The following TRAF3IP2 variants were observed in gnomAD, a reference collection of about 807,000 sequenced individuals.
The protein encoded by TRAF3IP2 is E3 ubiquitin ligase TRAF3IP2.
TRAF3IP2 carries 35 observed loss-of-function variants against 57.9 expected under a neutral mutation model. The observed-to-expected ratio is 0.60, with a 90% CI of 0.46 to 0.80. TRAF3IP2 has a LOEUF of 0.80. Ranked by LOEUF, TRAF3IP2 falls within the 30% of genes least tolerant of loss-of-function variation. The probability of loss-of-function intolerance (pLI) is 0.00; values close to 1 mark genes in which losing one functional copy is unlikely to be tolerated. For missense variants in TRAF3IP2, 556 were observed against 706.4 expected, an observed-to-expected ratio of 0.79 and a Z score of 2.41; for synonymous variants, 251 against 268.9, an observed-to-expected ratio of 0.93 and a Z score of 0.65.
intron 5 of TRAF3IP2, 40 bp from the exon 6 acceptor site, chr6:111,567,732 G>A: frequency 3.9e-6 from 6 of 1,537,164 alleles, no homozygotes; most frequent in Non-Finnish European, 5.3e-6. Context: ...CTTAATGAGA[G>A]GTTCTCTCAA....
intron 7 of TRAF3IP2, among the ~76,000 whole-genome samples, chr6:111,565,645 GAGA>G (rs749670158): frequency 5.1e-4 from 78 of 152,282 alleles, no homozygotes; most frequent in Non-Finnish European, 7.9e-4. Flanking sequence ...TAATCACGGG[GAGA>G]AGGAGGATTC....
intron 2 of TRAF3IP2, among the ~76,000 whole-genome samples, chr6:111,583,554 C>T (rs1305771806): frequency 6.6e-6 from 1 of 152,202 alleles, no homozygotes; most frequent in South Asian, 2.1e-4. Context: ...AGGCTGCACG[C>T]TCCTTATGAG....
chr6:111,584,138 T>C (rs1796257729), intron 2 of TRAF3IP2, among the ~76,000 whole-genome samples: 2 of 152,228 alleles, frequency 1.3e-5, no homozygotes, highest in Admixed American at 1.3e-4. Flanking sequence ...GTGCTGTTAA[T>C]CAAAAGCCTT....
At chr6:111,561,860 A>G (rs761285558) in intron 8 of TRAF3IP2, among the ~76,000 whole-genome samples, 7 of 152,230 alleles carry the variant, frequency 4.6e-5, no homozygotes, top group Non-Finnish European at 8.8e-5. Context: ...AGATGAGACC[A>G]GTAAGGAGAC....
At chr6:111,594,194 G>A (rs958790664) in intron 1 of TRAF3IP2, among the ~76,000 whole-genome samples, 2 of 150,286 alleles carry the variant, frequency 1.3e-5, no homozygotes, top group African/African-American at 4.9e-5. Context: ...CCACAGTTAT[G>A]AAATTGGATG....
At position 111,555,520 on chromosome 6, in the gene TRAF3IP2, T is replaced by TAGA. The variant is rs2128366292; in HGVS notation, c.*3882_*3884dup. On this transcript the variant is annotated 3_prime_UTR_variant, in exon 9 of 9. Coordinates refer to ENST00000368761, the MANE Select transcript of TRAF3IP2 (RefSeq NM_147686.4). ...TGTACTGAGACCTCTTTGAACAATC[T>TAGA]AGAAGTTAAAATAGATTTGAAACCA... Among the ~76,000 whole-genome samples, 1 of 152,324 alleles carries TAGA rather than the reference T, an allele frequency of 6.6e-6. No homozygotes were observed. Among genetic ancestry groups the TAGA allele is most frequent in the African/African-American group, 2.4e-5 (1 of 41,570 alleles).
chr6:111,559,859 G>A (rs928582338), intron 8 of TRAF3IP2, among the ~76,000 whole-genome samples: 8 of 152,368 alleles, frequency 5.3e-5, no homozygotes, highest in African/African-American at 1.7e-4. Flanking sequence ...GTAGGACAGA[G>A]GTCACACAGA....
At chr6:111,565,268 T>A (rs887825946) in intron 7 of TRAF3IP2, 32 of 152,138 alleles carry the variant, frequency 2.1e-4, no homozygotes, top group African/African-American at 6.8e-4. Context: ...GGGACCTACA[T>A]CTGCTTCCCC....
rs1795210045 is a variant in TRAF3IP2, at chr6:111,555,510, T to C, written c.*3895A>G. Among the ~76,000 whole-genome samples, 3 of 152,188 alleles carry C rather than the reference T, an allele frequency of 2.0e-5. No homozygotes were observed. The highest frequency in any genetic ancestry group is 2.1e-4 in the South Asian group (1 of 4,828). The stretch of plus-strand genomic sequence containing the variant: ...ATTGTAGCCATGTACTGAGACCTCT[T>C]TGAACAATCTAGAAGTTAAAATAGA... On this transcript the variant is annotated 3_prime_UTR_variant, in exon 9 of 9. Transcript: ENST00000368761.
In TRAF3IP2 at chr6:111,591,647, G is replaced by A. The variant is rs141508826; in HGVS notation, c.440C>T (p.Ala147Val). 61 of 1,614,238 alleles carry A rather than the reference G, an allele frequency of 3.8e-5. No homozygotes were observed. The East Asian group carries it at 8.9e-4, about 24-fold the overall frequency. The change falls in exon 2 of 9, where the codon GCG becomes GTG. Residue 147 changes from alanine (A) to valine (V), a missense_variant. Ala to Val is a moderately conservative substitution (Grantham distance 64). This residue lies in a region of TRAF3IP2 where 428 missense variants were observed against 498.7 expected (regional missense o/e 0.86). Transcript: ENST00000368761. This position sits in a 1 kb window ranked among gnomAD's most constrained non-coding sequence, Gnocchi z 4.9. Reference sequence around the variant, plus strand: ...GTCATGGCCAGTGTCAGGAGAAGCCGCTGAAAGCTGAGATACCAGCCATTG... The same window carrying A: ...GTCATGGCCAGTGTCAGGAGAAGCCACTGAAAGCTGAGATACCAGCCATTG... ...RNQWLVSQLS[A>V]ASPDTGHDSD...
chr6:111,588,529 A>G (rs967989715), intron 2 of TRAF3IP2, among the ~76,000 whole-genome samples: 3 of 152,198 alleles, frequency 2.0e-5, no homozygotes, highest in African/African-American at 7.2e-5. Context: ...TTTCCGTGGG[A>G]AGTATTTTCC....
intron 7 of TRAF3IP2, among the ~76,000 whole-genome samples, chr6:111,564,013 C>T (rs759488622): frequency 1.3e-5 from 2 of 152,178 alleles, no homozygotes; most frequent in Admixed American, 6.5e-5. Context: ...TGTTTCCAAC[C>T]ATTTCATCTT....
At chr6:111,574,993 G>C (rs994889080) in intron 4 of TRAF3IP2, among the ~76,000 whole-genome samples, 1 of 151,976 alleles carries the variant, frequency 6.6e-6, no homozygotes, top group South Asian at 2.1e-4. Context: ...AGGCCAAGGC[G>C]GGTGGATCAC....
At chr6:111,563,069 T>G in intron 7 of TRAF3IP2, 30 bp from the exon 8 acceptor site, 1 of 1,551,990 alleles carries the variant, frequency 6.4e-7, no homozygotes, top group Non-Finnish European at 8.9e-7. Context: ...AAGGTTTAAT[T>G]TCAGGAATGA....
intron 3 of TRAF3IP2, among the ~76,000 whole-genome samples, 176 bp downstream of exon 3, chr6:111,580,021 G>T (rs1441521716): frequency 6.6e-6 from 1 of 152,134 alleles, no homozygotes; most frequent in Non-Finnish European, 1.5e-5. Context: ...AGAGATCCTT[G>T]TCAACCAGCT....
intron 3 of TRAF3IP2, among the ~76,000 whole-genome samples, chr6:111,579,316 C>CAAAAAAAAAAAAAAAAAAAAAAAAA (rs529040872): frequency 1.4e-5 from 1 of 69,832 alleles, no homozygotes. Context: ...GGCTCCATCT[C>CAAAAAAAAAAAAAAAAAAAAAAAAA]AAAAAAAAAA....
At chr6:111,567,198 G>A (rs778618580) in intron 6 of TRAF3IP2, 235 of 1,001,366 alleles carry the variant, frequency 2.3e-4, no homozygotes, top group Admixed American at 7.8e-4. Context: ...AACAAATCAC[G>A]GGGCTGCACG....
intron 5 of TRAF3IP2, among the ~76,000 whole-genome samples, chr6:111,570,544 G>A (rs1266161352): frequency 6.6e-6 from 1 of 152,072 alleles, no homozygotes; most frequent in Non-Finnish European, 1.5e-5. Context: ...GTCCAGGACC[G>A]GGCTCTGTGA....
At position 111,591,404 on chromosome 6, in the gene TRAF3IP2, G is replaced by A. The variant is rs761061949; in HGVS notation, c.683C>T (p.Pro228Leu). ...LTSVCYPQDL[P>L]RPLRSREFPQ... ...GAACTCCCTGGACCTGAGAGGTCTG[G>A]GGAGGTCCTGGGGGTAACACACGGA... The change falls in exon 2 of 9, where the codon CCC becomes CTC. Residue 228 changes from proline to leucine, a missense_variant. By Grantham distance (98) the Pro-to-Leu change is moderately conservative. Transcript: ENST00000368761. The surrounding 1 kb of genome is among the most constrained non-coding windows in gnomAD (Gnocchi z 4.9). The A allele has an allele frequency of 6.4e-7, 1 of 1,558,342 alleles. No individual in the cohort carries two copies. Among genetic ancestry groups the A allele is most frequent in the East Asian group, 2.2e-5 (1 of 44,446 alleles).
Sources: gnomAD v4.1 joint callset for allele counts (sites outside exome capture counted in the v4.1 genomes callset) on GRCh38, gnomAD v4.1.1 for gene constraint, gnomAD v4.1.1 regional missense constraint, Gnocchi (gnomAD v3.1) non-coding constraint, MANE v1.5 for transcripts, NCBI Gene and HGNC (gene_info 2026-07-23, HGNC 2026-07-21) for gene names.